STX8: variants seen among roughly 807,000 people sequenced by gnomAD.
STX8 encodes syntaxin 8.
Under a neutral mutation model 37.5 loss-of-function variants are expected in STX8, and 23 were observed. That is an observed-to-expected ratio of 0.61 (90% CI 0.44 to 0.87). The LOEUF is 0.87. Ranked by LOEUF, STX8 falls within the 40% of genes least tolerant of loss-of-function variation. The probability of loss-of-function intolerance (pLI) is 0.00; values close to 1 mark genes in which losing one functional copy is unlikely to be tolerated. For synonymous variants in STX8, 115 were observed against 99.1 expected (o/e 1.16, Z -0.95); for missense variants, 313 against 284.7 (o/e 1.10, Z -0.71).
Position 9,493,977 on chromosome 17 carries a change from G to T in STX8, c.449-2056C>A, listed in dbSNP as rs927449189. ...GTTTATCTATATTTTGATGTTGAAA[G>T]AAGTTCATATGTTTTGTTTTTTTTT... is the stretch of plus-strand genomic sequence containing the variant. On this transcript the variant is annotated intron_variant, in intron 5 of 7. Coordinates refer to ENST00000306357, the MANE Select transcript of STX8 (RefSeq NM_004853.3). Among the ~76,000 whole-genome samples the T allele has an allele frequency of 2.1e-5, 3 of 141,656 alleles. No homozygotes were observed. In the Admixed American group the frequency reaches 2.2e-4, roughly 10 times the overall value. The allele number at this position is 141,656 out of a possible 152,430, so 92.9% of individuals were successfully genotyped here.
chr17:9,325,537 C>T (rs572660547), intron 7 of STX8, among the ~76,000 whole-genome samples: 1 of 152,324 alleles, frequency 6.6e-6, no homozygotes, highest in Admixed American at 6.5e-5. Flanking sequence ...CAACACTCTG[C>T]TGTTGCCATC....
chr17:9,303,075 C>CCT (rs1908843087), intron 7 of STX8, among the ~76,000 whole-genome samples: 1 of 151,572 alleles, frequency 6.6e-6, no homozygotes, highest in Non-Finnish European at 1.5e-5. Flanking sequence ...GGGTGGATCA[C>CCT]AAGGTCAAGA....
chr17:9,260,001 T>C (rs1223041381), intron 7 of STX8, among the ~76,000 whole-genome samples: 2 of 151,946 alleles, frequency 1.3e-5, no homozygotes, highest in African/African-American at 2.4e-5. Flanking sequence ...GTGGATTGCA[T>C]GAGCCCAGGA....
At chr17:9,362,214 C>T (rs974582002) in intron 7 of STX8, among the ~76,000 whole-genome samples, 2 of 152,128 alleles carry the variant, frequency 1.3e-5, no homozygotes, top group Non-Finnish European at 2.9e-5. Flanking sequence ...CCTGTAATCC[C>T]AGCTTCTCAG....
chr17:9,378,760 A>G, intron 6 of STX8, 107 bp from the exon 7 acceptor site: 1 of 832,940 alleles, frequency 1.2e-6, no homozygotes, highest in Non-Finnish European at 2.1e-6. Flanking sequence ...GAGTGCAGTA[A>G]CTGAAAAGGT....
At chr17:9,516,227 T>A (rs1208167903) in intron 4 of STX8, among the ~76,000 whole-genome samples, 1 of 147,368 alleles carries the variant, frequency 6.8e-6, no homozygotes, top group Non-Finnish European at 1.5e-5. Flanking sequence ...TTTAAAAAGC[T>A]GTTATTCAAG....
At chr17:9,285,258 G>A (rs1478243780) in intron 7 of STX8, among the ~76,000 whole-genome samples, 1 of 152,124 alleles carries the variant, frequency 6.6e-6, no homozygotes, top group Non-Finnish European at 1.5e-5. Flanking sequence ...CCTGGGCTCA[G>A]ACTCAGGAAT....
chr17:9,381,400 A>G (rs1224647215), intron 6 of STX8, among the ~76,000 whole-genome samples: 1 of 152,312 alleles, frequency 6.6e-6, no homozygotes, highest in East Asian at 1.9e-4. Flanking sequence ...TGTGTGAGCT[A>G]AATTCTGAAG....
At chr17:9,537,501 G>C (rs1416114370) in intron 4 of STX8, among the ~76,000 whole-genome samples, 1 of 152,110 alleles carries the variant, frequency 6.6e-6, no homozygotes, top group African/African-American at 2.4e-5. Context: ...CTTTACACGA[G>C]GCAGGCAAAA....
intron 7 of STX8, among the ~76,000 whole-genome samples, chr17:9,266,173 T>G (rs1907227253): frequency 6.6e-6 from 1 of 152,080 alleles, no homozygotes; most frequent in South Asian, 2.1e-4. Context: ...GGTGACGTAA[T>G]GACAACTGGA....
chr17:9,506,422 C>CCCCG (rs1286101644), intron 4 of STX8, among the ~76,000 whole-genome samples: 1 of 109,504 alleles, frequency 9.1e-6, no homozygotes, highest in African/African-American at 4.0e-5. Context: ...CCCCCCCCCA[C>CCCCG]CCACCTTTCT....
chr17:9,422,167 C>T (rs1040189255), intron 6 of STX8, among the ~76,000 whole-genome samples: 11 of 150,958 alleles, frequency 7.3e-5, no homozygotes, highest in East Asian at 1.9e-4. Flanking sequence ...TGCAATGGCG[C>T]GATCTTGGCT....
At chr17:9,534,662 C>T (rs12451995) in intron 4 of STX8, among the ~76,000 whole-genome samples, 44,892 of 151,884 alleles carry the variant, frequency 0.3, 8,315 homozygotes, top group Non-Finnish European at 0.4. Flanking sequence ...GTGGTGCGCA[C>T]CTGTAATCCC....
intron 6 of STX8, among the ~76,000 whole-genome samples, chr17:9,424,835 G>A (rs1400307872): frequency 6.6e-6 from 1 of 152,122 alleles, no homozygotes; most frequent in East Asian, 1.9e-4. Flanking sequence ...ATCTTCCGAG[G>A]ATGCAAAGAT....
At chr17:9,447,826 T>C (rs1436982487) in intron 6 of STX8, among the ~76,000 whole-genome samples, 1 of 152,174 alleles carries the variant, frequency 6.6e-6, no homozygotes, top group African/African-American at 2.4e-5. Context: ...TGTTTGGCAT[T>C]AAACCAAATC....
intron 4 of STX8, among the ~76,000 whole-genome samples, chr17:9,539,448 C>G (rs577632526): frequency 6.6e-6 from 1 of 152,330 alleles, no homozygotes; most frequent in African/African-American, 2.4e-5. Flanking sequence ...CTGCCAGTTA[C>G]TAGGGAAATG....
intron 6 of STX8, among the ~76,000 whole-genome samples, chr17:9,448,062 C>T (rs796777343): frequency 1.3e-5 from 2 of 151,188 alleles, no homozygotes; most frequent in African/African-American, 4.9e-5. Flanking sequence ...GTAGTCCCAG[C>T]TACTTGGAAG....
At chr17:9,422,613 C>T (rs1012441566) in intron 6 of STX8, among the ~76,000 whole-genome samples, 1 of 152,232 alleles carries the variant, frequency 6.6e-6, no homozygotes, top group Admixed American at 6.5e-5. Flanking sequence ...CCGTGTTGTT[C>T]CATGTGTCAG....
At chr17:9,396,918 A>T (rs1156546412) in intron 6 of STX8, among the ~76,000 whole-genome samples, 1 of 152,206 alleles carries the variant, frequency 6.6e-6, no homozygotes, top group South Asian at 2.1e-4. Flanking sequence ...GTATGCAACA[A>T]CATCACTGAA....
Sources: gnomAD v4.1 joint callset for allele counts (sites outside exome capture counted in the v4.1 genomes callset) on GRCh38, gnomAD v4.1.1 for gene constraint, MANE v1.5 for transcripts, NCBI Gene and HGNC (gene_info 2026-07-23, HGNC 2026-07-21) for gene names.